The following CSMD3 variants were observed in gnomAD, a reference collection of about 807,000 sequenced individuals.
The protein encoded by CSMD3 is CUB and sushi domain-containing protein 3.
Under a neutral mutation model 435.2 loss-of-function variants are expected in CSMD3, and 177 were observed. The ratio of observed to expected loss-of-function variants is 0.41; its 90% CI spans 0.36 to 0.46. The LOEUF (loss-of-function observed/expected upper bound fraction) is 0.46, where lower values mean the gene tolerates loss of function less well. CSMD3 is among the 20% of genes least tolerant of loss of function. The pLI, the probability that CSMD3 is intolerant of heterozygous loss-of-function variation, is 0.34. For missense variants in CSMD3, 4,265 were observed against 4,504.6 expected, an observed-to-expected ratio of 0.95 and a Z score of 1.52; for synonymous variants, 1,656 against 1,520.5, an observed-to-expected ratio of 1.09 and a Z score of -2.07.
chr8:112,565,797 C>T (rs968140226), intron 24 of CSMD3, among the ~76,000 whole-genome samples: 3 of 151,986 alleles, frequency 2.0e-5, no homozygotes, highest in African/African-American at 7.2e-5. Context: ...GTTAAAAATA[C>T]TCAATTCCTT....
intron 60 of CSMD3, among the ~76,000 whole-genome samples, chr8:112,264,240 A>G (rs560441463): frequency 6.6e-6 from 1 of 152,306 alleles, no homozygotes; most frequent in East Asian, 1.9e-4. Context: ...TAGTTCTGTG[A>G]CATTTTTGAA....
At chr8:112,385,070 TG>T (rs1237741753) in intron 36 of CSMD3, among the ~76,000 whole-genome samples, 1 of 151,986 alleles carries the variant, frequency 6.6e-6, no homozygotes, top group African/African-American at 2.4e-5. Context: ...TTAGCTACAG[TG>T]GGGGGTATTT....
At chr8:112,541,361 G>A (rs931450434) in intron 27 of CSMD3, among the ~76,000 whole-genome samples, 2 of 151,694 alleles carry the variant, frequency 1.3e-5, no homozygotes, top group African/African-American at 4.8e-5. Context: ...CAACACAATT[G>A]AGATTCCCTT....
At chr8:112,534,117 G>T (rs1825814026) in intron 27 of CSMD3, among the ~76,000 whole-genome samples, 1 of 152,034 alleles carries the variant, frequency 6.6e-6, no homozygotes, top group Non-Finnish European at 1.5e-5. Flanking sequence ...AAAAGAACTA[G>T]AAAAGCAAGA....
chr8:113,125,415 T>C (rs1178770541), intron 4 of CSMD3, among the ~76,000 whole-genome samples: 1 of 151,916 alleles, frequency 6.6e-6, no homozygotes, highest in Admixed American at 6.6e-5. Context: ...GATTAAAAAA[T>C]TGAGGATTAT....
chr8:112,340,652 T>C (rs1240842345), intron 42 of CSMD3, among the ~76,000 whole-genome samples: 1 of 152,152 alleles, frequency 6.6e-6, no homozygotes, highest in Non-Finnish European at 1.5e-5. Context: ...AACTTTATTA[T>C]GTAAAATATC....
chr8:112,409,814 G>T (rs1832177636), intron 32 of CSMD3, among the ~76,000 whole-genome samples: 1 of 151,346 alleles, frequency 6.6e-6, no homozygotes. Flanking sequence ...TAAAGAACCT[G>T]TTTCAAGAAC....
chr8:112,904,913 C>T (rs2082214774), intron 10 of CSMD3, among the ~76,000 whole-genome samples: 1 of 151,456 alleles, frequency 6.6e-6, no homozygotes, highest in Non-Finnish European at 1.5e-5. Context: ...GTAATTTGTT[C>T]TGCAAGTTGA....
At chr8:112,648,367 T>A (rs994854875) in intron 19 of CSMD3, among the ~76,000 whole-genome samples, 1 of 152,166 alleles carries the variant, frequency 6.6e-6, no homozygotes, top group Non-Finnish European at 1.5e-5. Context: ...GCACTCAACA[T>A]GAAATAGAAA....
At chr8:112,558,907 A>G (rs1828367996) in intron 24 of CSMD3, among the ~76,000 whole-genome samples, 1 of 151,992 alleles carries the variant, frequency 6.6e-6, no homozygotes, top group Admixed American at 6.6e-5. Flanking sequence ...TTTAAAATAT[A>G]CTTTATCAAG....
Position 112,313,942 on chromosome 8 carries a change from C to A in CSMD3, c.7660G>T (p.Gly2554Cys). Residue 2554 changes from glycine (G) to cysteine (C), a missense_variant, in exon 49 of 71, where the codon GGC becomes TGC. Around this residue, in one of 3 missense-constraint regions of CSMD3, gnomAD observed 3,255 missense variants for 3,380.2 expected, o/e 0.96. Transcript: ENST00000297405. ...EVFLQWSADHGNNKKGFRIRY... is the reference protein window; with the variant it reads ...EVFLQWSADHCNNKKGFRIRY... Reference sequence around the variant, plus strand: ...ATCCGGAAGCCTTTTTTGTTATTGCCATGATCTGCTGACCACTGAAGAAAT... The same window carrying A: ...ATCCGGAAGCCTTTTTTGTTATTGCAATGATCTGCTGACCACTGAAGAAAT... 1 of 1,612,234 alleles carries A rather than the reference C, an allele frequency of 6.2e-7. No homozygotes were observed. The highest frequency in any genetic ancestry group is 2.2e-5 in the East Asian group (1 of 44,702).
chr8:112,697,477 G>A (rs1216015447), intron 13 of CSMD3, among the ~76,000 whole-genome samples: 2 of 151,370 alleles, frequency 1.3e-5, no homozygotes. Flanking sequence ...TCTCAGCAAA[G>A]TATCACAAGG....
chr8:113,075,686 T>A (rs1171364810), intron 5 of CSMD3, among the ~76,000 whole-genome samples: 4 of 151,842 alleles, frequency 2.6e-5, no homozygotes, highest in African/African-American at 9.7e-5. Flanking sequence ...GCCTATATTA[T>A]TCAGGGTAAC....
intron 13 of CSMD3, among the ~76,000 whole-genome samples, chr8:112,765,629 A>G (rs1477382248): frequency 6.6e-6 from 1 of 151,680 alleles, no homozygotes; most frequent in Non-Finnish European, 1.5e-5. Flanking sequence ...TCTTCACTTA[A>G]TAAACATTTT....
chr8:113,354,553 C>T (rs1282246037), intron 1 of CSMD3, among the ~76,000 whole-genome samples: 1 of 152,128 alleles, frequency 6.6e-6, no homozygotes, highest in East Asian at 1.9e-4. Context: ...TTCTAAGAAA[C>T]ATTTCAATTG....
At chr8:112,634,608 G>C (rs187799131) in intron 22 of CSMD3, among the ~76,000 whole-genome samples, 1 of 152,032 alleles carries the variant, frequency 6.6e-6, no homozygotes, top group East Asian at 1.9e-4. Context: ...ATTTGGGTAC[G>C]AATAAACCAG....
intron 45 of CSMD3, among the ~76,000 whole-genome samples, chr8:112,334,461 T>C (rs1824377449): frequency 1.3e-5 from 2 of 152,198 alleles, no homozygotes; most frequent in Non-Finnish European, 2.9e-5. Context: ...GCAAAGCACA[T>C]GTCCAGCCTC....
chr8:112,435,988 GC>G (rs1349113702), intron 32 of CSMD3, among the ~76,000 whole-genome samples: 1 of 151,864 alleles, frequency 6.6e-6, no homozygotes, highest in Non-Finnish European at 1.5e-5. Context: ...TTGTGGCAAT[GC>G]CCTAAATACC....
chr8:112,245,944 T>C (rs534683486), intron 64 of CSMD3, among the ~76,000 whole-genome samples: 1 of 152,296 alleles, frequency 6.6e-6, no homozygotes, highest in African/African-American at 2.4e-5. Flanking sequence ...TTAAGCCCTA[T>C]GTTATGGACA....
Sources: gnomAD v4.1 joint callset for allele counts (sites outside exome capture counted in the v4.1 genomes callset) on GRCh38, gnomAD v4.1.1 for gene constraint, gnomAD v4.1.1 regional missense constraint, MANE v1.5 for transcripts, NCBI Gene and HGNC (gene_info 2026-07-23, HGNC 2026-07-21) for gene names.